Variants in CTNND2 observed in about 807,000 individuals in gnomAD.
CTNND2 encodes the protein catenin delta 2, also known as catenin delta-2.
A neutral mutation model predicts 144.4 loss-of-function variants in CTNND2; 22 were observed. The ratio of observed to expected loss-of-function variants is 0.15; its 90% CI spans 0.11 to 0.22. CTNND2 has a LOEUF of 0.22. CTNND2 is among the 10% of genes least tolerant of loss of function. The probability of loss-of-function intolerance (pLI) is 1.00; values close to 1 mark genes in which losing one functional copy is unlikely to be tolerated. For synonymous variants in CTNND2, 751 were observed against 695.6 expected, an observed-to-expected ratio of 1.08 and a Z score of -1.25; for missense variants, 1,353 against 1,618.8, an observed-to-expected ratio of 0.84 and a Z score of 2.82.
rs1412923368 is a variant in CTNND2 at position 11,117,516 on chromosome 5, A to G, written c.2211T>C (p.Asp737=). ...CGTACAGCAAGGCATCCGTAAGCCC[A>G]TCACACTCTCTCATCCTTCTGCGGG... is the stretch of plus-strand genomic sequence containing the variant. ...EEARRRMREC[D]GLTDALLYVI... is the part of the protein sequence containing the mutation. Residue 737 remains aspartate (D), a synonymous_variant, in exon 13 of 22, where the codon GAT becomes GAC. Transcript: ENST00000304623. 1 of 1,614,072 alleles carries G rather than the reference A, an allele frequency of 6.2e-7. No individual in the cohort carries two copies. Among genetic ancestry groups the G allele is most frequent in the Non-Finnish European group, 8.5e-7 (1 of 1,180,040 alleles).
intron 1 of CTNND2, among the ~76,000 whole-genome samples, chr5:11,811,067 T>C (rs1467651786): frequency 2.0e-5 from 3 of 152,198 alleles, no homozygotes; most frequent in African/African-American, 4.8e-5. Context: ...TCTACCTATA[T>C]AGGATTTTAT....
chr5:10,976,754 A>G (rs1424923024), intron 21 of CTNND2, among the ~76,000 whole-genome samples: 1 of 152,234 alleles, frequency 6.6e-6, no homozygotes, highest in Non-Finnish European at 1.5e-5. Flanking sequence ...TTTATTCCTT[A>G]ATGAATTTGC....
At chr5:11,120,948 G>T (rs992027987) in intron 12 of CTNND2, among the ~76,000 whole-genome samples, 3 of 152,140 alleles carry the variant, frequency 2.0e-5, no homozygotes, top group African/African-American at 7.2e-5. Context: ...TTTTCACATT[G>T]GTGGTAAGGA....
intron 2 of CTNND2, among the ~76,000 whole-genome samples, chr5:11,686,312 G>A (rs1488942039): frequency 6.6e-6 from 1 of 152,120 alleles, no homozygotes; most frequent in Non-Finnish European, 1.5e-5. Flanking sequence ...GGGTAACTCT[G>A]TGAGGCATTA....
chr5:11,860,547 T>C (rs1795454336), intron 1 of CTNND2, among the ~76,000 whole-genome samples: 1 of 152,196 alleles, frequency 6.6e-6, no homozygotes, highest in South Asian at 2.1e-4. Flanking sequence ...TTGTTTCAGC[T>C]ACAAAAATAG....
chr5:11,297,926 A>G (rs1375700236), intron 9 of CTNND2, among the ~76,000 whole-genome samples: 1 of 152,222 alleles, frequency 6.6e-6, no homozygotes, highest in Non-Finnish European at 1.5e-5. Flanking sequence ...TCCTAATGTT[A>G]AAGTAAAAAT....
intron 11 of CTNND2, among the ~76,000 whole-genome samples, chr5:11,197,968 C>T (rs1737043694): frequency 6.6e-6 from 1 of 152,184 alleles, no homozygotes; most frequent in East Asian, 1.9e-4. Flanking sequence ...ACAGAAGGTG[C>T]TCTGCTGGTC....
intron 9 of CTNND2, among the ~76,000 whole-genome samples, chr5:11,346,092 T>G (rs1413386637): frequency 6.6e-6 from 1 of 152,128 alleles, no homozygotes; most frequent in Non-Finnish European, 1.5e-5. Context: ...CAGTTTCCCC[T>G]GTATTAAAGA....
chr5:11,227,332 T>C (rs1333409439), intron 10 of CTNND2, among the ~76,000 whole-genome samples: 1 of 152,074 alleles, frequency 6.6e-6, no homozygotes, highest in Non-Finnish European at 1.5e-5. Context: ...CTCAGAGAGG[T>C]AAAGAAACTT....
At chr5:11,132,483 T>C (rs888131508) in intron 12 of CTNND2, among the ~76,000 whole-genome samples, 9 of 152,186 alleles carry the variant, frequency 5.9e-5, no homozygotes, top group Non-Finnish European at 1.3e-4. Context: ...CGAGACTCTT[T>C]GCCCTCTTTC....
chr5:11,774,651 T>C (rs911071286), intron 1 of CTNND2, among the ~76,000 whole-genome samples: 1 of 151,876 alleles, frequency 6.6e-6, no homozygotes, highest in African/African-American at 2.4e-5. Flanking sequence ...TCGCTTGCAA[T>C]ATGGAAGTAG....
At chr5:11,758,713 AG>A (rs1789091019) in intron 1 of CTNND2, among the ~76,000 whole-genome samples, 2 of 152,192 alleles carry the variant, frequency 1.3e-5, no homozygotes, top group South Asian at 4.1e-4. Flanking sequence ...TCATATTCCC[AG>A]TCTAAAAATA....
At chr5:11,111,363 AACAG>A (rs1307866759) in intron 13 of CTNND2, among the ~76,000 whole-genome samples, 1 of 152,174 alleles carries the variant, frequency 6.6e-6, no homozygotes, top group East Asian at 1.9e-4. Context: ...ATCATCCACT[AACAG>A]ACAGCGCCCC....
intron 16 of CTNND2, among the ~76,000 whole-genome samples, chr5:11,043,695 C>A (rs747602133): frequency 2.6e-5 from 4 of 152,106 alleles, no homozygotes; most frequent in Non-Finnish European, 5.9e-5. Flanking sequence ...TGATGACCCA[C>A]TTTTTACAAG....
chr5:11,490,776 G>A (rs1256257823), intron 3 of CTNND2, among the ~76,000 whole-genome samples: 1 of 152,086 alleles, frequency 6.6e-6, no homozygotes, highest in Admixed American at 6.6e-5. Context: ...ATAATCTATA[G>A]TACACTTAAT....
chr5:11,290,637 T>C (rs1469492828), intron 9 of CTNND2, among the ~76,000 whole-genome samples: 3 of 152,198 alleles, frequency 2.0e-5, no homozygotes, highest in Non-Finnish European at 2.9e-5. Context: ...TAAAAAGCTA[T>C]AAAAGAATTA....
chr5:11,900,762 A>C (rs184953517), intron 1 of CTNND2, among the ~76,000 whole-genome samples: 1 of 152,334 alleles, frequency 6.6e-6, no homozygotes, highest in East Asian at 1.9e-4. Context: ...TCCAACTTGC[A>C]AATCAGCCAG....
At chr5:11,103,784 T>C (rs960130113) in intron 14 of CTNND2, among the ~76,000 whole-genome samples, 8 of 149,680 alleles carry the variant, frequency 5.3e-5, no homozygotes, top group Non-Finnish European at 1.0e-4. Flanking sequence ...GTCACAGGAG[T>C]ACTCTAATTA....
intron 8 of CTNND2, among the ~76,000 whole-genome samples, chr5:11,350,432 T>C (rs1171396564): frequency 1.3e-5 from 2 of 151,990 alleles, no homozygotes; most frequent in East Asian, 1.9e-4. Flanking sequence ...GTGATATCAC[T>C]ACTATGAAAA....
Sources: allele counts gnomAD v4.1 joint callset (sites outside exome capture counted in the v4.1 genomes callset), GRCh38; gene constraint gnomAD v4.1.1; transcripts MANE v1.5; gene names NCBI Gene and HGNC (gene_info 2026-07-23, HGNC 2026-07-21).